Variants in TENM3 observed in about 807,000 individuals in gnomAD.
The protein encoded by TENM3 is teneurin transmembrane protein 3.
TENM3 carries 63 observed loss-of-function variants against 255.1 expected under a neutral mutation model. That is an observed-to-expected ratio of 0.25 (90% confidence interval 0.20 to 0.30). The LOEUF (loss-of-function observed/expected upper bound fraction) is 0.30. Ranked by LOEUF, TENM3 falls within the 10% of genes least tolerant of loss-of-function variation. TENM3 has a pLI of 1.00. For synonymous variants in TENM3, 1,306 were observed against 1,322.3 expected (o/e 0.99, Z 0.27); for missense variants, 2,929 against 3,461.1 (o/e 0.85, Z 3.86).
intron 1 of TENM3, among the ~76,000 whole-genome samples, chr4:182,214,853 A>T (rs543882432): frequency 6.5e-4 from 99 of 152,302 alleles, no homozygotes; most frequent in South Asian, 2.3e-3. Flanking sequence ...TATAAATTAA[A>T]TGTATTCTGT....
chr4:181,656,517 C>T, the TENM3 span, among the ~76,000 whole-genome samples: 8 of 152,134 alleles, frequency 5.3e-5, no homozygotes, highest in Non-Finnish European at 1.2e-4. Flanking sequence ...ATTCAGAACA[C>T]AGGAGAAGCC....
chr4:182,287,048 G>A (rs1327213213), intron 1 of TENM3, among the ~76,000 whole-genome samples: 1 of 152,064 alleles, frequency 6.6e-6, no homozygotes, highest in Admixed American at 6.6e-5. Context: ...GTAACATAGC[G>A]AGACCCCGTC....
intron 6 of TENM3, among the ~76,000 whole-genome samples, chr4:182,670,482 T>C (rs564657298): frequency 6.6e-6 from 1 of 152,340 alleles, no homozygotes; most frequent in African/African-American, 2.4e-5. Flanking sequence ...CACTCATCTC[T>C]TCATGTCCAG....
At chr4:181,560,163 C>A in the TENM3 span, among the ~76,000 whole-genome samples, 4 of 152,178 alleles carry the variant, frequency 2.6e-5, no homozygotes, top group African/African-American at 9.6e-5. Flanking sequence ...GACTCAGCGT[C>A]TGGTGAGCAC....
the TENM3 span, among the ~76,000 whole-genome samples, chr4:181,755,623 T>A: frequency 3.3e-5 from 5 of 152,132 alleles, no homozygotes; most frequent in African/African-American, 1.2e-4. Context: ...TTGGCCAAAA[T>A]TAAGCAACTT....
the TENM3 span, among the ~76,000 whole-genome samples, chr4:181,550,555 C>T: frequency 6.6e-6 from 1 of 152,072 alleles, no homozygotes; most frequent in Non-Finnish European, 1.5e-5. Context: ...TGCATGCTGA[C>T]ACTGATGCAC....
At chr4:182,247,308 T>TA (rs903772298) in intron 1 of TENM3, among the ~76,000 whole-genome samples, 1 of 152,108 alleles carries the variant, frequency 6.6e-6, no homozygotes, top group African/African-American at 2.4e-5. Flanking sequence ...TTGGTTGTCT[T>TA]ACGAAGAGAA....
the TENM3 span, among the ~76,000 whole-genome samples, chr4:181,997,737 C>T: frequency 3.4e-4 from 51 of 152,208 alleles, 1 homozygote; most frequent in East Asian, 3.3e-3. Flanking sequence ...CTCTATGTTC[C>T]TCAGTTTGCT....
chr4:182,356,776 C>T (rs949225196), intron 3 of TENM3, among the ~76,000 whole-genome samples: 4 of 151,584 alleles, frequency 2.6e-5, no homozygotes, highest in Admixed American at 6.6e-5. Context: ...TGCAGGTTAG[C>T]TACATATGTA....
At chr4:182,630,317 G>A (rs977967902) in intron 5 of TENM3, among the ~76,000 whole-genome samples, 2 of 152,148 alleles carry the variant, frequency 1.3e-5, no homozygotes, top group African/African-American at 4.8e-5. Flanking sequence ...ATATTCCAGA[G>A]ACAGATTTCT....
At chr4:182,418,221 G>A (rs1215773372) in intron 3 of TENM3, among the ~76,000 whole-genome samples, 1 of 152,164 alleles carries the variant, frequency 6.6e-6, no homozygotes, top group African/African-American at 2.4e-5. Flanking sequence ...TGTAGAGAGT[G>A]GAGTGGCTAG....
intron 7 of TENM3, among the ~76,000 whole-genome samples, chr4:182,675,484 T>G (rs1343146048): frequency 1.3e-5 from 2 of 150,844 alleles, no homozygotes; most frequent in Non-Finnish European, 2.9e-5. Flanking sequence ...AAGATTGCAG[T>G]AAGTGAGAGA....
chr4:182,719,704 AG>A (rs896025367), intron 13 of TENM3, among the ~76,000 whole-genome samples: 1 of 152,156 alleles, frequency 6.6e-6, no homozygotes, highest in African/African-American at 2.4e-5. Context: ...TTCAGAAATA[AG>A]AAAGATAGAA....
chr4:182,719,644 C>T (rs1340065655), intron 13 of TENM3, among the ~76,000 whole-genome samples: 4 of 151,850 alleles, frequency 2.6e-5, no homozygotes, highest in Non-Finnish European at 5.9e-5. Context: ...TTTTTCAAGC[C>T]TCTAGGGGCT....
At chr4:181,987,548 A>G in the TENM3 span, among the ~76,000 whole-genome samples, 2 of 152,132 alleles carry the variant, frequency 1.3e-5, no homozygotes, top group East Asian at 3.9e-4. Context: ...TGAAACCTGA[A>G]TCACTAGAAA....
intron 12 of TENM3, chr4:182,711,502 C>T (rs1279776832): frequency 1.6e-6 from 1 of 626,150 alleles, no homozygotes; most frequent in Non-Finnish European, 2.0e-6. Context: ...CATGTAGATT[C>T]TGAAAATTTT....
rs1042545688 is a variant in TENM3 at position 182,800,597 on chromosome 4, A to G, written c.*246A>G. 2 of 345,784 alleles carry G rather than the reference A, an allele frequency of 5.8e-6. No homozygotes were observed. Among genetic ancestry groups the G allele is most frequent in the East Asian group, 9.8e-5 (2 of 20,348 alleles). The allele number at this position is 345,784 out of a possible 1,614,324, so 21.4% of individuals were successfully genotyped here. A position where few individuals can be genotyped will look rare whatever the true frequency, so the allele number is the denominator to read the frequency against. On this transcript the variant is annotated 3_prime_UTR_variant, in exon 28 of 28. Transcript: ENST00000511685. ...CAGTCGGACTGAACGTAGCCAGAGG[A>G]AAAAAAAATCATCAAGGACAAAGGC...
chr4:182,415,743 A>G (rs1257393938), intron 3 of TENM3, among the ~76,000 whole-genome samples: 1 of 152,212 alleles, frequency 6.6e-6, no homozygotes, highest in Non-Finnish European at 1.5e-5. Context: ...ATCAAGATGA[A>G]ATAAATTATT....
intron 22 of TENM3, among the ~76,000 whole-genome samples, chr4:182,770,048 G>A (rs1207900637): frequency 3.3e-5 from 5 of 150,808 alleles, no homozygotes; most frequent in Non-Finnish European, 5.9e-5. Flanking sequence ...GGAGGTTGCA[G>A]TGAGCCGAGA....
Sources: gnomAD v4.1 joint callset for allele counts (sites outside exome capture counted in the v4.1 genomes callset) on GRCh38, gnomAD v4.1.1 for gene constraint, MANE v1.5 for transcripts, NCBI Gene and HGNC (gene_info 2026-07-23, HGNC 2026-07-21) for gene names.